The following PKHD1 variants were observed in gnomAD, a reference collection of about 807,000 sequenced individuals.
PKHD1 encodes PKHD1 ciliary IPT domain containing fibrocystin/polyductin, also known as fibrocystin.
Under a neutral mutation model 412.0 loss-of-function variants are expected in PKHD1, and 291 were observed. The observed-to-expected ratio is 0.71, with a 90% CI of 0.64 to 0.78. The LOEUF (loss-of-function observed/expected upper bound fraction) is 0.78. PKHD1 is among the 30% of genes least tolerant of loss of function. The pLI is 0.00. For synonymous variants in PKHD1, 1,777 were observed against 1,821.5 expected (o/e 0.98, Z 0.62); for missense variants, 4,825 against 4,950.7 (o/e 0.97, Z 0.76).
intron 35 of PKHD1, 66 bp downstream of exon 35, chr6:52,010,243 T>G (rs1207055630): frequency 7.0e-6 from 10 of 1,423,984 alleles, no homozygotes; most frequent in Non-Finnish European, 8.9e-6. Flanking sequence ...GTTTTTTTAA[T>G]GTACACAATA....
intron 48 of PKHD1, 128 bp from the exon 49 acceptor site, chr6:51,856,198 T>C: frequency 1.4e-6 from 1 of 722,192 alleles, no homozygotes; most frequent in Non-Finnish European, 2.5e-6. Flanking sequence ...AGGCCCTCTT[T>C]AGTTGTATGT....
intron 37 of PKHD1, among the ~76,000 whole-genome samples, chr6:51,918,176 T>G (rs1025430469): frequency 3.6e-5 from 4 of 109,812 alleles, no homozygotes; most frequent in African/African-American, 1.7e-4. Flanking sequence ...TAAAAACAAA[T>G]ATATACATAT....
intron 52 of PKHD1, among the ~76,000 whole-genome samples, chr6:51,805,436 T>A (rs906316530): frequency 1.3e-5 from 2 of 152,208 alleles, no homozygotes; most frequent in African/African-American, 4.8e-5. Context: ...CTATGCTCAC[T>A]ACCTGGGTGA....
chr6:52,084,357 A>C (rs890664749), intron 2 of PKHD1, among the ~76,000 whole-genome samples: 1 of 152,250 alleles, frequency 6.6e-6, no homozygotes, highest in Non-Finnish European at 1.5e-5. Flanking sequence ...AGATACTTCT[A>C]TCTAAAGAAG....
chr6:51,861,736 C>G (rs1209757201), intron 48 of PKHD1, among the ~76,000 whole-genome samples: 1 of 152,186 alleles, frequency 6.6e-6, no homozygotes, highest in African/African-American at 2.4e-5. Context: ...TTTTTCCATC[C>G]ACAGCCTTAT....
At chr6:51,903,043 C>A (rs753273691) in intron 43 of PKHD1, among the ~76,000 whole-genome samples, 1 of 152,090 alleles carries the variant, frequency 6.6e-6, no homozygotes, top group Non-Finnish European at 1.5e-5. Context: ...CAAAAATCAG[C>A]ACCCAGAGTT....
At position 51,783,231 on chromosome 6, in the gene PKHD1, C is replaced by T. The variant is rs563263824; in HGVS notation, c.8441-7310G>A. On this transcript the variant is annotated intron_variant, in intron 53 of 66. Coordinates refer to ENST00000371117, the MANE Select transcript of PKHD1 (RefSeq NM_138694.4). Reference sequence around the variant, plus strand: ...CCAAAGAAACAATGAACTGCTGTGTCCCCAGGGATACCAATGGTTGGGGCA... The same window carrying T: ...CCAAAGAAACAATGAACTGCTGTGTTCCCAGGGATACCAATGGTTGGGGCA... Among the ~76,000 whole-genome samples the T allele has an allele frequency of 3.5e-4, 53 of 152,156 alleles. 4 individuals carry two copies. The South Asian group carries it at 0.011, about 32-fold the overall frequency.
intron 40 of PKHD1, among the ~76,000 whole-genome samples, chr6:51,908,589 A>T (rs1782493021): frequency 6.6e-6 from 1 of 152,128 alleles, no homozygotes; most frequent in East Asian, 1.9e-4. Context: ...GGATGTTCCT[A>T]CATTCAACTT....
intron 55 of PKHD1, among the ~76,000 whole-genome samples, chr6:51,771,382 G>A (rs1053837440): frequency 6.6e-6 from 1 of 152,084 alleles, no homozygotes; most frequent in African/African-American, 2.4e-5. Flanking sequence ...AGGCCTTTGG[G>A]AGGCCAAGAC....
chr6:51,664,016 C>T (rs1204481482), intron 60 of PKHD1, among the ~76,000 whole-genome samples: 2 of 152,086 alleles, frequency 1.3e-5, no homozygotes, highest in African/African-American at 2.4e-5. Context: ...TACCTCCATT[C>T]CTTATGACAG....
intron 60 of PKHD1, among the ~76,000 whole-genome samples, chr6:51,704,540 A>C (rs976293765): frequency 2.6e-5 from 4 of 152,128 alleles, no homozygotes; most frequent in Non-Finnish European, 4.4e-5. Flanking sequence ...AGCTCACACC[A>C]AAGCAGTAGC....
intron 11 of PKHD1, among the ~76,000 whole-genome samples, chr6:52,068,791 G>T (rs1240993005): frequency 6.6e-6 from 1 of 152,196 alleles, no homozygotes; most frequent in Non-Finnish European, 1.5e-5. Flanking sequence ...GCTGTTGCAG[G>T]ATTAGGCTAT....
chr6:52,009,026 C>T (rs1799461098), intron 35 of PKHD1, among the ~76,000 whole-genome samples: 1 of 152,206 alleles, frequency 6.6e-6, no homozygotes, highest in Admixed American at 6.5e-5. Flanking sequence ...TCTCAGCGCA[C>T]TACAATACAC....
In PKHD1 at chr6:52,065,030, G is replaced by C; in HGVS notation, c.901C>G (p.His301Asp). Residue 301 changes from histidine (H) to aspartate (D), a missense_variant, in exon 13 of 67, where the codon CAC (histidine) becomes GAC (aspartate). Physicochemically the swap from His to Asp is moderately conservative, Grantham distance 81. Transcript: ENST00000371117. ...TIAGIPCDIR[H>D]VSPRKIECTT... is the part of the protein sequence containing the mutation. ...CACTCAATCTTCCTGGGAGACACGT[G>C]TCTAATATCACATGGAATGCCTAAA... is the stretch of plus-strand genomic sequence containing the variant. 1.3e-6 allele frequency: 2 copies of C among 1,594,126 alleles called. No individual in the cohort carries two copies. Among genetic ancestry groups the C allele is most frequent in the Non-Finnish European group, 1.7e-6 (2 of 1,170,350 alleles).
Position 51,857,901 on chromosome 6 carries a change from G to T in PKHD1, c.7734-1831C>A, listed in dbSNP as rs562659024. ...ATGCTCAGGGCATTTGGGAATGAAA[G>T]AACTATTCTTTTTTCAGATTTCCCT... On this transcript the variant is annotated intron_variant, in intron 48 of 66. Coordinates refer to ENST00000371117, the MANE Select transcript of PKHD1 (RefSeq NM_138694.4). Among the ~76,000 whole-genome samples, 8 of 152,272 alleles carry T rather than the reference G, an allele frequency of 5.3e-5. No individual in the cohort carries two copies. The South Asian group carries it at 1.5e-3, about 28-fold the overall frequency.
At chr6:52,047,840 C>T (rs1490134139) in intron 23 of PKHD1, among the ~76,000 whole-genome samples, 1 of 152,142 alleles carries the variant, frequency 6.6e-6, no homozygotes, top group Non-Finnish European at 1.5e-5. Context: ...TGGCCTAATC[C>T]CCAGAAAATA....
rs894393064 is a variant in PKHD1, at chr6:52,066,017, G to A, written c.839C>T (p.Thr280Ile). ...SLGGRTNITITGDFFDNSAQV... is the reference protein window; with the variant it reads ...SLGGRTNITIIGDFFDNSAQV... ...GGCAGAATTGTCAAAAAAGTCTCCTGTAATTGTGATGTTTGTTCTTCCCCC... is the reference window on the plus strand; with the variant it reads ...GGCAGAATTGTCAAAAAAGTCTCCTATAATTGTGATGTTTGTTCTTCCCCC... The change falls in exon 12 of 67, where the codon ACA becomes ATA. Residue 280 changes from threonine (T) to isoleucine (I), a missense_variant. By Grantham distance (89) the Thr-to-Ile change is moderately conservative. Transcript: ENST00000371117. 1.2e-6 allele frequency: 2 copies of A among 1,602,128 alleles called. No individual in the cohort carries two copies. The highest frequency in any genetic ancestry group is 1.7e-5 in the Admixed American group (1 of 59,822).
At chr6:51,845,066 T>A (rs1289917687) in intron 50 of PKHD1, among the ~76,000 whole-genome samples, 2 of 152,180 alleles carry the variant, frequency 1.3e-5, no homozygotes, top group African/African-American at 4.8e-5. Context: ...AAAGTTACAA[T>A]CTAATCAATA....
intron 26 of PKHD1, 89 bp downstream of exon 26, chr6:52,043,536 A>G: frequency 1.1e-6 from 1 of 891,080 alleles, no homozygotes; most frequent in Non-Finnish European, 1.9e-6. Flanking sequence ...TTTATCTTCT[A>G]CCCACCCATC....
Sources: allele counts gnomAD v4.1 joint callset (sites outside exome capture counted in the v4.1 genomes callset), GRCh38; gene constraint gnomAD v4.1.1; transcripts MANE v1.5; gene names NCBI Gene and HGNC (gene_info 2026-07-23, HGNC 2026-07-21).